The following CD226 variants were observed in gnomAD, a reference collection of about 807,000 sequenced individuals.
CD226 encodes the protein CD226 molecule, also known as CD226 antigen.
Under a neutral mutation model 34.9 loss-of-function variants are expected in CD226, and 24 were observed. The ratio of observed to expected loss-of-function variants is 0.69; its 90% CI spans 0.50 to 0.97. The LOEUF is 0.97. Ranked by LOEUF, CD226 falls within the 50% of genes least tolerant of loss-of-function variation. The pLI is 0.00. For missense variants in CD226, 397 were observed against 412.7 expected (o/e 0.96, Z 0.33); for synonymous variants, 148 against 147.4 (o/e 1.00, Z -0.03).
chr18:69,873,559 C>T (rs1983674922), intron 3 of CD226, among the ~76,000 whole-genome samples: 1 of 151,566 alleles, frequency 6.6e-6, no homozygotes, highest in African/African-American at 2.4e-5. Flanking sequence ...TACACAAAAC[C>T]TTTTGTAGAA....
At chr18:69,953,326 G>C (rs906880785) in intron 1 of CD226, among the ~76,000 whole-genome samples, 28 of 152,326 alleles carry the variant, frequency 1.8e-4, no homozygotes, top group African/African-American at 6.7e-4. Flanking sequence ...TCTGCCAACA[G>C]GTGAATGAAT....
At chr18:69,901,164 A>G (rs537760085) in intron 2 of CD226, among the ~76,000 whole-genome samples, 1 of 152,278 alleles carries the variant, frequency 6.6e-6, no homozygotes, top group African/African-American at 2.4e-5. Context: ...CAACAACAAC[A>G]AAAAAATGAA....
intron 4 of CD226, 123 bp from the exon 5 acceptor site, chr18:69,867,534 T>G (rs773534083): frequency 6.6e-6 from 4 of 609,160 alleles, no homozygotes; most frequent in Non-Finnish European, 1.2e-5. Flanking sequence ...TGAAGTAGCT[T>G]TATGCACATT....
At position 69,864,563 on chromosome 18, in the gene CD226, T is replaced by C. The variant is rs187406378; in HGVS notation, c.886-124A>G. ...GGGACAAGTTTCCATTATAATTAAT[T>C]TGATAAAACATTCTCATTGTATTGA... On this transcript the variant is annotated intron_variant, in intron 5 of 5. Transcript: ENST00000582621. 8.0e-6 allele frequency: 7 copies of C among 877,344 alleles called. No individual in the cohort carries two copies. The Admixed American group carries it at 1.7e-4, about 22-fold the overall frequency. The allele number at this position is 877,344 out of a possible 1,614,324, so 54.3% of individuals were successfully genotyped here.
intron 3 of CD226, among the ~76,000 whole-genome samples, chr18:69,887,760 G>T (rs2145222910): frequency 6.6e-6 from 1 of 152,246 alleles, no homozygotes; most frequent in Admixed American, 6.5e-5. Flanking sequence ...CTACCTTTGA[G>T]TTCTACCAAA....
At chr18:69,901,704 C>T (rs982611240) in intron 2 of CD226, among the ~76,000 whole-genome samples, 1 of 151,914 alleles carries the variant, frequency 6.6e-6, no homozygotes, top group Non-Finnish European at 1.5e-5. Flanking sequence ...ATGGTGAAAC[C>T]CCGTCTCTAC....
At chr18:69,891,504 GAAAAC>G (rs1984901978) in intron 3 of CD226, among the ~76,000 whole-genome samples, 1 of 152,012 alleles carries the variant, frequency 6.6e-6, no homozygotes, top group African/African-American at 2.4e-5. Context: ...ACAAGAAAAA[GAAAAC>G]AAAAGGCATT....
upstream of CD226, among the ~76,000 whole-genome samples, chr18:69,949,728 T>G (rs2055831850): frequency 6.7e-6 from 1 of 150,238 alleles, no homozygotes; most frequent in African/African-American, 2.5e-5. Context: ...CTAACACACA[T>G]TCACACACAC....
intron 4 of CD226, among the ~76,000 whole-genome samples, chr18:69,872,482 C>T (rs574997739): frequency 7.9e-5 from 12 of 152,138 alleles, no homozygotes; most frequent in Non-Finnish European, 1.5e-4. Flanking sequence ...AACTCTTGGA[C>T]TCAAGCAATC....
chr18:69,910,487 T>C (rs2055310761), intron 2 of CD226, among the ~76,000 whole-genome samples: 1 of 152,206 alleles, frequency 6.6e-6, no homozygotes, highest in African/African-American at 2.4e-5. Context: ...TGGGCTAGTA[T>C]TCCTCAGGCC....
intron 2 of CD226, among the ~76,000 whole-genome samples, chr18:69,904,988 G>A (rs2055234251): frequency 6.6e-6 from 1 of 152,168 alleles, no homozygotes; most frequent in South Asian, 2.1e-4. Context: ...AATATTTTCA[G>A]TATATTTTTA....
chr18:69,893,027 T>C (rs1984998372), intron 3 of CD226, among the ~76,000 whole-genome samples: 1 of 152,210 alleles, frequency 6.6e-6, no homozygotes, highest in Non-Finnish European at 1.5e-5. Flanking sequence ...ATAATCAAAT[T>C]GCACCAGAGA....
rs2055541950 is a variant in CD226 at position 69,927,831 on chromosome 18, T to C, written c.382+18903A>G. The stretch of plus-strand genomic sequence containing the variant: ...GATATTCTGCATTTTGTCCATTTAT[T>C]CCTCCGTAGACACTTAGGTTGCTTC... On this transcript the variant is annotated intron_variant, in intron 2 of 5. Coordinates refer to ENST00000582621, the MANE Select transcript of CD226 (RefSeq NM_001303618.2). Among the ~76,000 whole-genome samples, 3 of 152,360 alleles carry C rather than the reference T, an allele frequency of 2.0e-5. No homozygotes were observed. The South Asian group carries it at 6.2e-4, about 32-fold the overall frequency.
intron 5 of CD226, among the ~76,000 whole-genome samples, chr18:69,866,969 T>G (rs1983187607): frequency 6.6e-6 from 1 of 152,168 alleles, no homozygotes; most frequent in South Asian, 2.1e-4. Flanking sequence ...AAGAAACCAG[T>G]ACTTCTGACA....
chr18:69,895,609 T>G, intron 3 of CD226, 92 bp downstream of exon 3: 2 of 915,596 alleles, frequency 2.2e-6, no homozygotes, highest in South Asian at 3.2e-5. Flanking sequence ...GCGCATTAAA[T>G]GAACATGTTT....
At chr18:69,887,235 A>C (rs1459481554) in intron 3 of CD226, among the ~76,000 whole-genome samples, 1 of 152,168 alleles carries the variant, frequency 6.6e-6, no homozygotes, top group Non-Finnish European at 1.5e-5. Context: ...GTATTTGTTG[A>C]GTGTTTACCA....
chr18:69,868,977 T>C (rs1355279507), intron 4 of CD226, among the ~76,000 whole-genome samples: 2 of 152,228 alleles, frequency 1.3e-5, no homozygotes, highest in African/African-American at 4.8e-5. Context: ...AGTCCTCTCA[T>C]CTGTATTATT....
At chr18:69,906,597 A>T (rs2055256596) in intron 2 of CD226, among the ~76,000 whole-genome samples, 1 of 152,244 alleles carries the variant, frequency 6.6e-6, no homozygotes, top group African/African-American at 2.4e-5. Context: ...AAATGTGAAT[A>T]TGAGCCCTAT....
intron 3 of CD226, among the ~76,000 whole-genome samples, chr18:69,882,986 C>CAAAT: frequency 6.6e-6 from 1 of 152,200 alleles, no homozygotes; most frequent in Non-Finnish European, 1.5e-5. Flanking sequence ...TTATTATGGA[C>CAAAT]ACTTGACTCT....
Sources: allele counts gnomAD v4.1 joint callset (sites outside exome capture counted in the v4.1 genomes callset), GRCh38; gene constraint gnomAD v4.1.1; transcripts MANE v1.5; gene names NCBI Gene and HGNC (gene_info 2026-07-23, HGNC 2026-07-21).